The following RANBP2 variants were observed in gnomAD, a reference collection of about 807,000 sequenced individuals.
RANBP2 encodes E3 SUMO-protein ligase RanBP2.
Under a neutral mutation model 303.6 loss-of-function variants are expected in RANBP2, and 57 were observed. The observed-to-expected ratio is 0.19, with a 90% CI of 0.15 to 0.23. The LOEUF (loss-of-function observed/expected upper bound fraction) is 0.23. RANBP2 is among the 10% of genes least tolerant of loss of function. RANBP2 has a pLI of 1.00. For missense variants in RANBP2, 3,138 were observed against 3,780.8 expected, an observed-to-expected ratio of 0.83 and a Z score of 4.46; for synonymous variants, 1,167 against 1,301.5, an observed-to-expected ratio of 0.90 and a Z score of 2.23.
At chr2:108,819,394 G>C in the RANBP2 span, among the ~76,000 whole-genome samples, 1 of 152,158 alleles carries the variant, frequency 6.6e-6, no homozygotes, top group East Asian at 1.9e-4. Flanking sequence ...TCCAAAGTCT[G>C]CCCACAGGAC....
chr2:109,650,498 C>T, the RANBP2 span, among the ~76,000 whole-genome samples: 5 of 152,078 alleles, frequency 3.3e-5, no homozygotes, highest in Admixed American at 3.3e-4. Flanking sequence ...GGCAGGGGTC[C>T]CACTTTCCCT....
At chr2:108,813,801 T>C in the RANBP2 span, among the ~76,000 whole-genome samples, 1 of 152,234 alleles carries the variant, frequency 6.6e-6, no homozygotes, top group Non-Finnish European at 1.5e-5. Flanking sequence ...GTCATTCTTT[T>C]CTGCCAGAAG....
chr2:109,411,805 A>C, the RANBP2 span, among the ~76,000 whole-genome samples: 4 of 152,216 alleles, frequency 2.6e-5, no homozygotes, highest in Non-Finnish European at 4.4e-5. Context: ...ATTTCCACAC[A>C]TCTGACCTCT....
At chr2:108,870,655 A>G in the RANBP2 span, among the ~76,000 whole-genome samples, 1 of 152,238 alleles carries the variant, frequency 6.6e-6, no homozygotes, top group South Asian at 2.1e-4. Context: ...AGTCTAAGAA[A>G]TGAAGTTCTG....
At chr2:109,479,123 C>A in the RANBP2 span, among the ~76,000 whole-genome samples, 2 of 152,190 alleles carry the variant, frequency 1.3e-5, no homozygotes, top group Non-Finnish European at 2.9e-5. Context: ...ACGTGGACAG[C>A]ATGAGCTTCC....
At chr2:109,030,924 TAAAATGGTTTA>T in the RANBP2 span, among the ~76,000 whole-genome samples, 1 of 152,122 alleles carries the variant, frequency 6.6e-6, no homozygotes, top group Non-Finnish European at 1.5e-5. Flanking sequence ...ATTTTCTTGG[TAAAATGGTTTA>T]ATAATTGGTA....
chr2:108,951,797 G>A, the RANBP2 span, among the ~76,000 whole-genome samples: 1 of 152,084 alleles, frequency 6.6e-6, no homozygotes, highest in Non-Finnish European at 1.5e-5. Flanking sequence ...CACTATATCA[G>A]AACCAATGCC....
chr2:109,400,024 G>T, the RANBP2 span, among the ~76,000 whole-genome samples: 1 of 152,208 alleles, frequency 6.6e-6, no homozygotes, highest in Non-Finnish European at 1.5e-5. Context: ...GAGCAAGGGC[G>T]CTGATCTGCG....
chr2:108,896,594 T>C, the RANBP2 span: 2 of 339,206 alleles, frequency 5.9e-6, no homozygotes, highest in South Asian at 5.6e-5. Flanking sequence ...TTTGATTCAT[T>C]TGAGTCCTCA....
the RANBP2 span, among the ~76,000 whole-genome samples, chr2:109,719,840 A>G: frequency 5.3e-5 from 8 of 152,350 alleles, no homozygotes; most frequent in Admixed American, 4.6e-4. Flanking sequence ...TCTGGGCATC[A>G]TGAATTTCCA....
the RANBP2 span, among the ~76,000 whole-genome samples, chr2:109,034,337 G>A: frequency 8.8e-5 from 13 of 147,134 alleles, no homozygotes; most frequent in East Asian, 1.4e-3. Flanking sequence ...CAATTTCTAC[G>A]TTTATCCAAA....
the RANBP2 span, among the ~76,000 whole-genome samples, chr2:109,676,893 G>A: frequency 9.9e-5 from 15 of 152,220 alleles, no homozygotes; most frequent in Admixed American, 4.6e-4. Context: ...GTCTAGATAC[G>A]GCACCACTTT....
the RANBP2 span, among the ~76,000 whole-genome samples, chr2:109,351,337 C>T: frequency 3.3e-5 from 5 of 152,200 alleles, no homozygotes; most frequent in Admixed American, 1.3e-4. Flanking sequence ...AGGAGCACCT[C>T]GCCTTCCCAG....
At chr2:108,814,501 A>G in the RANBP2 span, among the ~76,000 whole-genome samples, 1 of 151,960 alleles carries the variant, frequency 6.6e-6, no homozygotes, top group Non-Finnish European at 1.5e-5. Flanking sequence ...AGAAAGTGAA[A>G]AATTGCTCTT....
chr2:109,274,625 G>T, the RANBP2 span, among the ~76,000 whole-genome samples: 1 of 152,216 alleles, frequency 6.6e-6, no homozygotes, highest in East Asian at 1.9e-4. Context: ...GCCATGGGCT[G>T]AGAAGAGGCG....
chr2:109,276,719 A>T, the RANBP2 span, among the ~76,000 whole-genome samples: 1 of 152,194 alleles, frequency 6.6e-6, no homozygotes, highest in Non-Finnish European at 1.5e-5. Flanking sequence ...AAATCACATT[A>T]TTCCAGCTTT....
the RANBP2 span, among the ~76,000 whole-genome samples, chr2:109,393,229 C>A: frequency 6.6e-6 from 1 of 152,340 alleles, no homozygotes; most frequent in African/African-American, 2.4e-5. Flanking sequence ...CAGGGTAAGG[C>A]GAACGCCCCA....
the RANBP2 span, among the ~76,000 whole-genome samples, chr2:109,171,599 C>T: frequency 6.6e-6 from 1 of 152,224 alleles, no homozygotes; most frequent in Admixed American, 6.5e-5. Context: ...TCTCGCCGCC[C>T]CTGGTCTGTG....
At chr2:109,326,359 CT>C in the RANBP2 span, among the ~76,000 whole-genome samples, 5 of 150,704 alleles carry the variant, frequency 3.3e-5, no homozygotes, top group East Asian at 1.9e-4. Context: ...TGTTGTTGTT[CT>C]TTTTTTTTAA....
Sources: gnomAD v4.1 joint callset for allele counts (sites outside exome capture counted in the v4.1 genomes callset) on GRCh38, gnomAD v4.1.1 for gene constraint, MANE v1.5 for transcripts, NCBI Gene and HGNC (gene_info 2026-07-23, HGNC 2026-07-21) for gene names.